ITFG1: variants seen among roughly 807,000 people sequenced by gnomAD.
The protein encoded by ITFG1 is integrin alpha FG-GAP repeat containing 1, also known as T-cell immunomodulatory protein.
A neutral mutation model predicts 81.8 loss-of-function variants in ITFG1; 34 were observed. The ratio of observed to expected loss-of-function variants is 0.42; its 90% CI spans 0.32 to 0.55. The LOEUF (loss-of-function observed/expected upper bound fraction) is 0.55, where lower values mean the gene tolerates loss of function less well. ITFG1 is among the 20% of genes least tolerant of loss of function. The pLI, the probability that ITFG1 is intolerant of heterozygous loss-of-function variation, is 0.17. For missense variants in ITFG1, 672 were observed against 755.4 expected, an observed-to-expected ratio of 0.89 and a Z score of 1.29; for synonymous variants, 285 against 270.6, an observed-to-expected ratio of 1.05 and a Z score of -0.52.
intron 14 of ITFG1, among the ~76,000 whole-genome samples, chr16:47,182,558 T>C (rs1415500164): frequency 6.6e-6 from 1 of 152,224 alleles, no homozygotes; most frequent in East Asian, 1.9e-4. Context: ...GTATGCCTTT[T>C]ACACAGATGA....
At chr16:47,375,175 G>A (rs905095129) in intron 7 of ITFG1, among the ~76,000 whole-genome samples, 7 of 152,202 alleles carry the variant, frequency 4.6e-5, no homozygotes, top group Admixed American at 4.6e-4. Flanking sequence ...AGGCTCTTAC[G>A]CCCATTTTCT....
intron 14 of ITFG1, among the ~76,000 whole-genome samples, chr16:47,166,531 A>G (rs1964891666): frequency 6.6e-6 from 1 of 152,244 alleles, no homozygotes; most frequent in South Asian, 2.1e-4. Context: ...ATAAATAAGC[A>G]GAGAGAAAAA....
chr16:47,444,681 A>G (rs1480667342), intron 5 of ITFG1, among the ~76,000 whole-genome samples: 2 of 152,192 alleles, frequency 1.3e-5, no homozygotes, highest in Non-Finnish European at 2.9e-5. Context: ...AATATGCTAC[A>G]TTATAGAAAA....
intron 10 of ITFG1, among the ~76,000 whole-genome samples, chr16:47,274,360 C>T (rs1171680932): frequency 1.3e-5 from 2 of 152,108 alleles, no homozygotes. Context: ...TAAGAAGGTG[C>T]ATTTATCCTA....
At chr16:47,319,010 A>AT (rs1328281690) in intron 8 of ITFG1, among the ~76,000 whole-genome samples, 10 of 152,280 alleles carry the variant, frequency 6.6e-5, no homozygotes, top group Middle Eastern at 3.4e-3. Flanking sequence ...ATATCAATGA[A>AT]TTTTCCCTAC....
rs34363166 is a variant in ITFG1 at position 47,160,187 on chromosome 16, TAAA to T, written c.1662-1200_1662-1198del. On this transcript the variant is annotated intron_variant, in intron 16 of 17. Coordinates refer to ENST00000320640, the MANE Select transcript of ITFG1 (RefSeq NM_030790.5). ...CAAATCAGGAATGTAAGTGTTTTGG[TAAA>T]AAAAAAAAAAAAAAAAGACAAAAGT... 3.3e-4 allele frequency among the ~76,000 whole-genome samples: 38 copies of T among 115,520 alleles called. 1 individual carries two copies. In the Middle Eastern group the frequency reaches 0.012, roughly 38 times the overall value. 75.8% of individuals were successfully genotyped at this position (115,520 alleles called of 152,430 possible).
At chr16:47,257,868 G>A (rs1170721425) in intron 12 of ITFG1, among the ~76,000 whole-genome samples, 1 of 152,148 alleles carries the variant, frequency 6.6e-6, no homozygotes, top group Non-Finnish European at 1.5e-5. Flanking sequence ...CTGATTCCTT[G>A]GAGAAATGTC....
At chr16:47,176,885 A>G (rs1177198872) in intron 14 of ITFG1, among the ~76,000 whole-genome samples, 1 of 151,956 alleles carries the variant, frequency 6.6e-6, no homozygotes, top group East Asian at 1.9e-4. Context: ...AAAATACACT[A>G]TCACTTGCTT....
At chr16:47,189,039 C>T (rs1346955380) in intron 14 of ITFG1, among the ~76,000 whole-genome samples, 1 of 152,186 alleles carries the variant, frequency 6.6e-6, no homozygotes, top group African/African-American at 2.4e-5. Context: ...GCTGGGATTA[C>T]AGGCTTTAGC....
At chr16:47,221,658 G>C (rs1965692730) in intron 13 of ITFG1, among the ~76,000 whole-genome samples, 1 of 152,168 alleles carries the variant, frequency 6.6e-6, no homozygotes, top group African/African-American at 2.4e-5. Context: ...AGAAGGAATG[G>C]TACCAGTTCC....
chr16:47,310,867 T>C (rs561304586), intron 10 of ITFG1, among the ~76,000 whole-genome samples: 157 of 152,254 alleles, frequency 1.0e-3, no homozygotes, highest in African/African-American at 3.7e-3. Flanking sequence ...TGGTAAGTGG[T>C]TGGACTGAGA....
Position 47,374,049 on chromosome 16 carries a change from A to C in ITFG1, c.720+1827T>G, listed in dbSNP as rs977951855. ...TAGGCTCCTCTGAGAACTCTGCTTA[A>C]CTTATCCCAACCACTACCCTGCCCA... On this transcript the variant is annotated intron_variant, in intron 7 of 17. Transcript: ENST00000320640. 2.6e-5 allele frequency among the ~76,000 whole-genome samples: 4 copies of C among 152,134 alleles called. No individual in the cohort carries two copies. The East Asian group carries it at 5.8e-4, about 22-fold the overall frequency.
intron 10 of ITFG1, among the ~76,000 whole-genome samples, chr16:47,306,153 A>C: frequency 6.6e-6 from 1 of 152,182 alleles, no homozygotes; most frequent in East Asian, 1.9e-4. Context: ...CAATGACAAA[A>C]ATAAAAATTT....
chr16:47,328,943 G>A (rs1351680703), intron 8 of ITFG1, among the ~76,000 whole-genome samples: 1 of 152,102 alleles, frequency 6.6e-6, no homozygotes, highest in African/African-American at 2.4e-5. Flanking sequence ...GTAGGCAAAG[G>A]TGGCTGCTAG....
intron 6 of ITFG1, among the ~76,000 whole-genome samples, chr16:47,381,809 C>A (rs762392154): frequency 6.6e-6 from 1 of 152,228 alleles, no homozygotes; most frequent in Non-Finnish European, 1.5e-5. Context: ...AGCTCTCACT[C>A]TTTGCAGCAG....
chr16:47,315,778 TACAC>T (rs201290419), intron 8 of ITFG1, among the ~76,000 whole-genome samples: 1 of 151,214 alleles, frequency 6.6e-6, no homozygotes, highest in African/African-American at 2.5e-5. Flanking sequence ...CATATATATA[TACAC>T]ATATATATAA....
At chr16:47,204,584 A>G (rs1965469502) in intron 14 of ITFG1, among the ~76,000 whole-genome samples, 1 of 152,174 alleles carries the variant, frequency 6.6e-6, no homozygotes, top group African/African-American at 2.4e-5. Flanking sequence ...TGTTATGCTA[A>G]GGAGGTATGC....
chr16:47,217,789 G>A (rs1364908544), intron 14 of ITFG1, among the ~76,000 whole-genome samples: 3 of 152,132 alleles, frequency 2.0e-5, no homozygotes, highest in African/African-American at 7.2e-5. Flanking sequence ...GCCGGGTGTA[G>A]TGGCGGGCAC....
At chr16:47,263,137 G>C in intron 10 of ITFG1, 1 of 256,014 alleles carries the variant, frequency 3.9e-6, no homozygotes, top group South Asian at 6.3e-5. Flanking sequence ...ACAACATATT[G>C]TATCAGTACA....
Sources: gnomAD v4.1 joint callset for allele counts (sites outside exome capture counted in the v4.1 genomes callset) on GRCh38, gnomAD v4.1.1 for gene constraint, MANE v1.5 for transcripts, NCBI Gene and HGNC (gene_info 2026-07-23, HGNC 2026-07-21) for gene names.